Variants in TRIM2 observed in about 807,000 individuals in gnomAD.
TRIM2 encodes the protein tripartite motif containing 2.
TRIM2 carries 20 observed loss-of-function variants against 75.2 expected under a neutral mutation model. The observed-to-expected ratio is 0.27, with a 90% CI of 0.19 to 0.39. The LOEUF is 0.39. Ranked by LOEUF, TRIM2 falls within the 10% of genes least tolerant of loss-of-function variation. The pLI is 1.00. For synonymous variants in TRIM2, 373 were observed against 388.3 expected (o/e 0.96, Z 0.46); for missense variants, 660 against 990.8 (o/e 0.67, Z 4.48).
intron 4 of TRIM2, 69 bp from the exon 5 acceptor site, chr4:153,294,236 G>A: frequency 1.3e-6 from 2 of 1,504,204 alleles, no homozygotes; most frequent in Non-Finnish European, 1.8e-6. Flanking sequence ...ACAAAATGTA[G>A]TGTTTAGATA....
At chr4:153,194,041 C>T (rs772254426) in intron 1 of TRIM2, among the ~76,000 whole-genome samples, 1 of 152,146 alleles carries the variant, frequency 6.6e-6, no homozygotes, top group Non-Finnish European at 1.5e-5. Flanking sequence ...CCCCCAGGGA[C>T]CCTTCACTAC....
At chr4:153,244,366 C>CTTCCTG (rs1748158647) in intron 1 of TRIM2, among the ~76,000 whole-genome samples, 1 of 43,418 alleles carries the variant, frequency 2.3e-5, no homozygotes, top group African/African-American at 1.9e-4. Context: ...TCTTCTTCTT[C>CTTCCTG]TTCTTCTTCT....
intron 1 of TRIM2, chr4:153,223,044 G>A (rs1274205044): frequency 6.6e-6 from 1 of 152,314 alleles, no homozygotes; most frequent in African/African-American, 2.4e-5. Flanking sequence ...CTCGTAGTAA[G>A]TCGTGGCTCG....
At chr4:153,269,139 G>A (rs6535911) in intron 1 of TRIM2, among the ~76,000 whole-genome samples, 45,530 of 152,020 alleles carry the variant, frequency 0.3, 9,477 homozygotes, top group African/African-American at 0.6. Flanking sequence ...ACAGATTAAC[G>A]GGAGAAAAAG....
rs2149528038 is a variant in TRIM2, at chr4:153,315,880, C to T, written c.1663C>T (p.Arg555Cys). The T allele has an allele frequency of 3.1e-6, 5 of 1,614,098 alleles. No homozygotes were observed. Among genetic ancestry groups the T allele is most frequent in the Non-Finnish European group, 3.4e-6 (4 of 1,180,004 alleles). The part of the protein sequence containing the change: ...QFKSRFGIRG[R>C]SPGQLQRPTG... Reference sequence around the variant, plus strand: ...CAAAAGTCGTTTTGGCATACGGGGACGCTCTCCGGGGCAGCTGCAGCGGCC... The same window carrying T: ...CAAAAGTCGTTTTGGCATACGGGGATGCTCTCCGGGGCAGCTGCAGCGGCC... The change falls in exon 8 of 12, where the codon CGC (arginine) becomes TGC (cysteine). Residue 555 changes from arginine to cysteine, a missense_variant. By Grantham distance (180) the Arg-to-Cys change is radical. Coordinates refer to ENST00000338700, the MANE Select transcript of TRIM2 (RefSeq NM_015271.5).
chr4:153,249,311 C>T (rs921384115), intron 1 of TRIM2, among the ~76,000 whole-genome samples: 1 of 152,214 alleles, frequency 6.6e-6, no homozygotes, highest in Non-Finnish European at 1.5e-5. Flanking sequence ...GGGGCGGGGC[C>T]TGTTGCTATG....
intron 1 of TRIM2, among the ~76,000 whole-genome samples, chr4:153,234,644 A>G (rs546616393): frequency 6.6e-6 from 1 of 152,232 alleles, no homozygotes; most frequent in Non-Finnish European, 1.5e-5. Context: ...AATGAGGCTC[A>G]TAAGTTACCT....
chr4:153,176,067 CT>C lies in TRIM2; in HGVS notation c.-49+22805del, dbSNP rs950915459. On this transcript the variant is annotated intron_variant, in intron 1 of 11. Transcript: ENST00000437508. ...GAGACTCCACCTCTAAAAAAAAAAACTTTTTTTTAAGAGTAAAGGGGCACGA... is the reference window on the plus strand; with the variant it reads ...GAGACTCCACCTCTAAAAAAAAAAACTTTTTTTAAGAGTAAAGGGGCACGA... 3.4e-3 allele frequency among the ~76,000 whole-genome samples: 514 copies of C among 151,112 alleles called. 3 individuals are homozygous for C. The highest frequency in any genetic ancestry group is 0.012 in the African/African-American group (500 of 41,144).
intron 10 of TRIM2, among the ~76,000 whole-genome samples, chr4:153,328,252 T>C (rs1050833695): frequency 6.6e-6 from 1 of 152,242 alleles, no homozygotes; most frequent in African/African-American, 2.4e-5. Context: ...ACTTGTACAG[T>C]ATTTTATAAC....
At chr4:153,173,689 C>G (rs1036172076) in intron 1 of TRIM2, among the ~76,000 whole-genome samples, 4 of 151,166 alleles carry the variant, frequency 2.6e-5, no homozygotes, top group African/African-American at 7.3e-5. Flanking sequence ...ATAATAAGGC[C>G]GGACGTGGTG....
chr4:153,215,907 G>A (rs1560826583), intron 1 of TRIM2, among the ~76,000 whole-genome samples: 1 of 152,020 alleles, frequency 6.6e-6, no homozygotes, highest in Non-Finnish European at 1.5e-5. Context: ...TAAACATTCA[G>A]TCACACTAGT....
rs1762549020 is a variant in TRIM2 at position 153,295,271 on chromosome 4, G to T, written c.787-42G>T. 2.0e-6 allele frequency: 3 copies of T among 1,522,350 alleles called. No individual in the cohort carries two copies. The highest frequency in any genetic ancestry group is 2.3e-4 in the Middle Eastern group (1 of 4,372). The allele number at this position is 1,522,350 out of a possible 1,614,324, so 94.3% of individuals were successfully genotyped here. A position where few individuals can be genotyped will look rare whatever the true frequency, so the allele number is the denominator to read the frequency against. ...AGGGCACTGCCCCGGGCTAGGCCCC[G>T]CCCTGTGGGACGAGCTCACCAGGCC... On this transcript the variant is annotated intron_variant, in intron 5 of 11. Coordinates refer to ENST00000338700, the MANE Select transcript of TRIM2 (RefSeq NM_015271.5). The surrounding 1 kb of genome is among the most constrained non-coding windows in gnomAD (Gnocchi z 7.2).
chr4:153,152,240 G>A (rs900441955), upstream of TRIM2: 3 of 152,112 alleles, frequency 2.0e-5, no homozygotes, highest in African/African-American at 7.2e-5. Context: ...AGGGAGAACA[G>A]GCTCTCCGGA....
At chr4:153,193,865 T>C (rs961455036) in intron 1 of TRIM2, among the ~76,000 whole-genome samples, 2 of 151,686 alleles carry the variant, frequency 1.3e-5, no homozygotes, top group Non-Finnish European at 2.9e-5. Context: ...AATCCAAGTG[T>C]GGGAGAGACG....
intron 1 of TRIM2, among the ~76,000 whole-genome samples, chr4:153,238,879 G>T (rs928108755): frequency 1.3e-5 from 2 of 152,154 alleles, no homozygotes; most frequent in African/African-American, 4.8e-5. Flanking sequence ...AGAAACCTAA[G>T]GGCTCTCTAT....
intron 3 of TRIM2, among the ~76,000 whole-genome samples, chr4:153,278,270 C>T (rs1025805276): frequency 3.3e-5 from 5 of 152,068 alleles, no homozygotes; most frequent in Non-Finnish European, 4.4e-5. Flanking sequence ...CATGCCACCA[C>T]GCCCAGCTAA....
At chr4:153,173,534 C>T (rs540781602) in intron 1 of TRIM2, among the ~76,000 whole-genome samples, 34 of 151,748 alleles carry the variant, frequency 2.2e-4, no homozygotes, top group African/African-American at 5.6e-4. Context: ...TGGTGGCGGG[C>T]GCCTGTGGTC....
intron 3 of TRIM2, among the ~76,000 whole-genome samples, chr4:153,289,011 C>T (rs1331677568): frequency 2.0e-5 from 3 of 151,974 alleles, no homozygotes; most frequent in Non-Finnish European, 2.9e-5. Context: ...ATATGGTTTC[C>T]ATTAGCTCTG....
At chr4:153,200,823 T>G (rs1038541952), upstream of TRIM2, among the ~76,000 whole-genome samples, 2 of 150,530 alleles carry the variant, frequency 1.3e-5, no homozygotes, top group Non-Finnish European at 3.0e-5. Context: ...ATTATTGTTA[T>G]TATTTTTTAA....
Sources: gnomAD v4.1 joint callset for allele counts (sites outside exome capture counted in the v4.1 genomes callset) on GRCh38, gnomAD v4.1.1 for gene constraint, Gnocchi (gnomAD v3.1) non-coding constraint, MANE v1.5 for transcripts, NCBI Gene and HGNC (gene_info 2026-07-23, HGNC 2026-07-21) for gene names.